The following EPHA7 variants were observed in gnomAD, a reference collection of about 807,000 sequenced individuals.
EPHA7 encodes the protein EPH receptor A7, also known as ephrin type-A receptor 7.
EPHA7 carries 25 observed loss-of-function variants against 112.6 expected under a neutral mutation model. The ratio of observed to expected loss-of-function variants is 0.22; its 90% CI spans 0.16 to 0.31. The LOEUF (loss-of-function observed/expected upper bound fraction) is 0.31. Among genes scored for constraint, EPHA7 ranks in the 10% least tolerant of loss-of-function variants. The pLI, the probability that EPHA7 is intolerant of heterozygous loss-of-function variation, is 1.00. For missense variants in EPHA7, 962 were observed against 1,212.6 expected, an observed-to-expected ratio of 0.79 and a Z score of 3.07; for synonymous variants, 437 against 406.5, an observed-to-expected ratio of 1.07 and a Z score of -0.90.
chr6:93,391,282 G>A (rs1777892959), intron 3 of EPHA7, among the ~76,000 whole-genome samples: 1 of 151,930 alleles, frequency 6.6e-6, no homozygotes, highest in East Asian at 1.9e-4. Flanking sequence ...AAGTGGAAAT[G>A]GAAACTTCTG....
Position 93,411,080 on chromosome 6 carries a change from G to A in EPHA7, c.253C>T (p.Leu85=). Residue 85 remains leucine, a synonymous_variant, in exon 3 of 17, where the codon CTG becomes TTG. Transcript: ENST00000369303. ...CCTTTGGAAATCCAGTTAGTCCGCA[G>A]CCAGTTGTTTTGGTTGGGCTCCATG... is the stretch of plus-strand genomic sequence containing the variant. ...QVMEPNQNNW[L]RTNWISKGNA... is the part of the protein sequence containing the mutation. 6.2e-7 allele frequency: 1 copy of A among 1,613,868 alleles called. No individual in the cohort carries two copies. Among genetic ancestry groups the A allele is most frequent in the Non-Finnish European group, 8.5e-7 (1 of 1,179,972 alleles).
At chr6:93,393,635 A>G (rs1182276094) in intron 3 of EPHA7, among the ~76,000 whole-genome samples, 1 of 151,842 alleles carries the variant, frequency 6.6e-6, no homozygotes, top group Non-Finnish European at 1.5e-5. Flanking sequence ...CCCAGGGCAA[A>G]GGGGTAGAAA....
At chr6:93,264,145 T>C (rs558570785) in intron 8 of EPHA7, among the ~76,000 whole-genome samples, 2 of 151,624 alleles carry the variant, frequency 1.3e-5, no homozygotes, top group Middle Eastern at 3.4e-3. Context: ...TTAGATTGAA[T>C]ACACAAAATT....
intron 1 of EPHA7, among the ~76,000 whole-genome samples, chr6:93,415,744 T>G (rs761032508): frequency 1.8e-4 from 27 of 152,238 alleles, no homozygotes; most frequent in South Asian, 1.0e-3. Flanking sequence ...CCAGAAATAA[T>G]AGTGAATAAA....
At chr6:93,271,080 C>G (rs1364622212) in intron 6 of EPHA7, among the ~76,000 whole-genome samples, 1 of 151,606 alleles carries the variant, frequency 6.6e-6, no homozygotes, top group Non-Finnish European at 1.5e-5. Flanking sequence ...TAACTGATAG[C>G]TCTCATGGGA....
chr6:93,315,214 A>C (rs751841970), intron 5 of EPHA7, among the ~76,000 whole-genome samples: 6 of 152,158 alleles, frequency 3.9e-5, no homozygotes, highest in Non-Finnish European at 7.3e-5. Context: ...AAGTAAATAT[A>C]TATTATCAAA....
At chr6:93,294,294 C>G (rs1031312583) in intron 5 of EPHA7, among the ~76,000 whole-genome samples, 4 of 152,100 alleles carry the variant, frequency 2.6e-5, no homozygotes, top group Admixed American at 6.6e-5. Flanking sequence ...AATTCTTTTT[C>G]ATGTAATAAG....
chr6:93,265,502 T>C (rs1363495304), intron 7 of EPHA7, among the ~76,000 whole-genome samples: 1 of 151,700 alleles, frequency 6.6e-6, no homozygotes, highest in African/African-American at 2.4e-5. Flanking sequence ...CCTTCTGATA[T>C]AGAATTTTTG....
intron 3 of EPHA7, among the ~76,000 whole-genome samples, chr6:93,406,835 C>T (rs950963042): frequency 4.6e-5 from 7 of 151,532 alleles, no homozygotes; most frequent in Admixed American, 1.3e-4. Context: ...TTAGTCTTCC[C>T]GAAATATTTA....
Position 93,240,489 on chromosome 6 carries a change from C to A in EPHA7, c.*2937G>T. ...ATACAATATGATTCAACTAATAGTGCTCTGACAAGCATAAACCACCAGTTC... is the reference window on the plus strand; with the variant it reads ...ATACAATATGATTCAACTAATAGTGATCTGACAAGCATAAACCACCAGTTC... On this transcript the variant is annotated 3_prime_UTR_variant, in exon 17 of 17. Transcript: ENST00000369303. The A allele has an allele frequency of 4.6e-6, 1 of 218,470 alleles. No homozygotes were observed. The highest frequency in any genetic ancestry group is 9.2e-6 in the Non-Finnish European group (1 of 108,956). 13.5% of individuals were successfully genotyped at this position (218,470 alleles called of 1,614,324 possible).
intron 5 of EPHA7, among the ~76,000 whole-genome samples, chr6:93,349,395 C>T (rs776262152): frequency 2.0e-5 from 3 of 151,832 alleles, no homozygotes; most frequent in Non-Finnish European, 2.9e-5. Flanking sequence ...CCTGCACTTT[C>T]GGATACCTCA....
At chr6:93,281,322 A>G (rs929362497) in intron 5 of EPHA7, among the ~76,000 whole-genome samples, 1 of 152,132 alleles carries the variant, frequency 6.6e-6, no homozygotes, top group Non-Finnish European at 1.5e-5. Flanking sequence ...TTCTATTTTG[A>G]TTGGTGAGGA....
At chr6:93,388,617 T>G (rs1353997616) in intron 3 of EPHA7, among the ~76,000 whole-genome samples, 1 of 152,104 alleles carries the variant, frequency 6.6e-6, no homozygotes, top group Non-Finnish European at 1.5e-5. Context: ...TGAAAGCCTC[T>G]CTGACCAGCA....
intron 3 of EPHA7, among the ~76,000 whole-genome samples, chr6:93,392,402 A>G (rs967595648): frequency 6.6e-6 from 1 of 151,934 alleles, no homozygotes; most frequent in African/African-American, 2.4e-5. Context: ...ATGTCAAACC[A>G]GGTATAGGAA....
At chr6:93,258,035 C>T in intron 11 of EPHA7, 64 bp downstream of exon 11, 2 of 1,436,944 alleles carry the variant, frequency 1.4e-6, no homozygotes, top group South Asian at 1.2e-5. Flanking sequence ...TTATTGTGTA[C>T]ATAATAATAC....
Position 93,246,998 on chromosome 6 carries a change from A to G in EPHA7, c.2533-13T>C, listed in dbSNP as rs755948630. 6.1e-5 allele frequency: 94 copies of G among 1,546,472 alleles called. 1 individual carries two copies. In the South Asian group the frequency reaches 1.1e-3, roughly 18 times the overall value. On this transcript the variant is annotated splice_polypyrimidine_tract_variant and intron_variant, in intron 14 of 16. Transcript: ENST00000369303. ...TTGCTTTTATAACCTAATAGCCAAAAGGACATTACAAATATTACTGATTTA... is the reference window on the plus strand; with the variant it reads ...TTGCTTTTATAACCTAATAGCCAAAGGGACATTACAAATATTACTGATTTA...
intron 3 of EPHA7, among the ~76,000 whole-genome samples, chr6:93,402,739 C>T (rs2076273469): frequency 6.6e-6 from 1 of 151,756 alleles, no homozygotes; most frequent in East Asian, 1.9e-4. Context: ...TTTTGTTTTG[C>T]AATCCAAACT....
intron 2 of EPHA7, among the ~76,000 whole-genome samples, chr6:93,414,291 T>G (rs1323732388): frequency 6.6e-6 from 1 of 151,910 alleles, no homozygotes; most frequent in Non-Finnish European, 1.5e-5. Context: ...TGCTGAAACT[T>G]TTAAAAATAG....
chr6:93,330,379 A>C (rs558793333), intron 5 of EPHA7, among the ~76,000 whole-genome samples: 1 of 151,460 alleles, frequency 6.6e-6, no homozygotes, highest in East Asian at 1.9e-4. Context: ...GTGTTATAGA[A>C]CACCATAGCT....
Sources: gnomAD v4.1 joint callset for allele counts (sites outside exome capture counted in the v4.1 genomes callset) on GRCh38, gnomAD v4.1.1 for gene constraint, MANE v1.5 for transcripts, NCBI Gene and HGNC (gene_info 2026-07-23, HGNC 2026-07-21) for gene names.